Variants in UNC5A observed in about 807,000 individuals in gnomAD.
UNC5A encodes unc-5 netrin receptor A.
In UNC5A, 20 loss-of-function variants were observed where a neutral mutation model predicts 87.4. The observed-to-expected ratio is 0.23, with a 90% CI of 0.16 to 0.33. The LOEUF (loss-of-function observed/expected upper bound fraction) is 0.33, where lower values mean the gene tolerates loss of function less well. Among genes scored for constraint, UNC5A ranks in the 10% least tolerant of loss-of-function variants. The pLI, the probability that UNC5A is intolerant of heterozygous loss-of-function variation, is 1.00. For synonymous variants in UNC5A, 438 were observed against 482.3 expected, an observed-to-expected ratio of 0.91 and a Z score of 1.20; for missense variants, 844 against 1,133.4, an observed-to-expected ratio of 0.74 and a Z score of 3.67.
intron 6 of UNC5A, among the ~76,000 whole-genome samples, chr5:176,873,051 G>A (rs572503699): frequency 1.2e-5 from 1 of 85,156 alleles, no homozygotes; most frequent in Non-Finnish European, 2.3e-5. Context: ...CTTCCCATCT[G>A]CCCACACTCA....
intron 1 of UNC5A, among the ~76,000 whole-genome samples, chr5:176,845,377 G>T (rs551652516): frequency 6.6e-5 from 10 of 152,334 alleles, no homozygotes; most frequent in South Asian, 2.1e-4. Context: ...GATAGGTCCT[G>T]CCTCATATGC....
chr5:176,843,161 CAAAA>C (rs546212256), intron 1 of UNC5A, among the ~76,000 whole-genome samples: 4 of 90,230 alleles, frequency 4.4e-5, no homozygotes, highest in East Asian at 3.4e-4. Context: ...AACTCTGTCT[CAAAA>C]AAAAAAAAAA....
intron 1 of UNC5A, among the ~76,000 whole-genome samples, chr5:176,839,026 T>A (rs1457107691): frequency 6.6e-6 from 1 of 152,212 alleles, no homozygotes; most frequent in African/African-American, 2.4e-5. Context: ...TCAGCAGGTG[T>A]CCAGTCATGG....
chr5:176,877,878 T>C lies in UNC5A; in HGVS notation c.1636-16T>C, dbSNP rs1364270661. On this transcript the variant is annotated splice_polypyrimidine_tract_variant and intron_variant, in intron 10 of 14. Transcript: ENST00000329542. ...CTGAGGCTGGGCCGAATTGACCCACTGACCCCTGCCCACAGGATGTGCTGC... is the reference window on the plus strand; with the variant it reads ...CTGAGGCTGGGCCGAATTGACCCACCGACCCCTGCCCACAGGATGTGCTGC... 5.7e-6 allele frequency: 9 copies of C among 1,591,952 alleles called. No individual in the cohort carries two copies. The highest frequency in any genetic ancestry group is 7.7e-6 in the Non-Finnish European group (9 of 1,172,788).
chr5:176,830,331 G>A (rs1048777791), intron 1 of UNC5A, among the ~76,000 whole-genome samples: 49 of 152,196 alleles, frequency 3.2e-4, no homozygotes, highest in African/African-American at 1.1e-3. Flanking sequence ...CCTCCATGGG[G>A]CATGGGTGCG....
intron 6 of UNC5A, among the ~76,000 whole-genome samples, chr5:176,873,595 G>A (rs1758183133): frequency 1.3e-5 from 2 of 152,106 alleles, no homozygotes; most frequent in South Asian, 2.1e-4. Flanking sequence ...GGGATCCCAG[G>A]AGTTCACCCC....
At chr5:176,845,327 C>T (rs768634622) in intron 1 of UNC5A, among the ~76,000 whole-genome samples, 29 of 152,364 alleles carry the variant, frequency 1.9e-4, no homozygotes, top group South Asian at 4.1e-4. Context: ...TGTCCTGGCA[C>T]GGATCCAAAG....
rs1276855413 is a variant in UNC5A, at chr5:176,874,169, G to A, written c.1075+13G>A. 8.1e-6 allele frequency: 13 copies of A among 1,611,336 alleles called. No homozygotes were observed. The highest frequency in any genetic ancestry group is 1.6e-4 in the Middle Eastern group (1 of 6,070). On this transcript the variant is annotated intron_variant, in intron 7 of 14. Coordinates refer to ENST00000329542, the MANE Select transcript of UNC5A (RefSeq NM_133369.3). This position sits in a 1 kb window ranked among gnomAD's most constrained non-coding sequence, Gnocchi z 7.6. ...CCCAGCAAAGCAGGTGAGGGGCCCC[G>A]TGCCCCCAGCACTCCTGCCCCAGCT...
chr5:176,818,819 T>C (rs1756658084), intron 1 of UNC5A, among the ~76,000 whole-genome samples: 3 of 152,170 alleles, frequency 2.0e-5, no homozygotes, highest in Admixed American at 2.0e-4. Context: ...CCCATCCCCA[T>C]GCTGCCTCCT....
intron 1 of UNC5A, among the ~76,000 whole-genome samples, chr5:176,857,833 A>C (rs1292708935): frequency 6.6e-6 from 1 of 152,198 alleles, no homozygotes; most frequent in East Asian, 1.9e-4. Flanking sequence ...GAGGTCTTCT[A>C]ACTTAATTCC....
Position 176,857,401 on chromosome 5 carries a change from G to T in UNC5A, c.71-5223G>T, listed in dbSNP as rs569406844. Among the ~76,000 whole-genome samples, 11 of 152,266 alleles carry T rather than the reference G, an allele frequency of 7.2e-5. No homozygotes were observed. In the South Asian group the frequency reaches 2.3e-3, roughly 32 times the overall value. On this transcript the variant is annotated intron_variant, in intron 1 of 14. Transcript: ENST00000329542. ...TCAGTCCAAGGCTCCTTGCCCAGGG[G>T]TCTCTTGCCTCCCATTGCCACCGGC...
At position 176,857,535 on chromosome 5, in the gene UNC5A, G is replaced by GCA. The variant is rs746701838; in HGVS notation, c.71-5077_71-5076dup. Among the ~76,000 whole-genome samples the GCA allele has an allele frequency of 4.7e-3, 714 of 151,720 alleles. 7 individuals are homozygous for GCA. The highest frequency in any genetic ancestry group is 0.015 in the African/African-American group (627 of 41,380). The stretch of plus-strand genomic sequence containing the variant: ...ACACATGCATGCCACACACACATGC[G>GCA]CACACACACACACGCCTTGCCCCTC... On this transcript the variant is annotated intron_variant, in intron 1 of 14. Transcript: ENST00000329542.
intron 9 of UNC5A, 28 bp downstream of exon 9, chr5:176,877,307 G>T: frequency 6.3e-7 from 1 of 1,594,060 alleles, no homozygotes; most frequent in East Asian, 2.2e-5. Context: ...GTTGCCGGGG[G>T]TGGGAGGGAC....
At chr5:176,860,664 G>T (rs1205792875) in intron 1 of UNC5A, among the ~76,000 whole-genome samples, 1 of 152,300 alleles carries the variant, frequency 6.6e-6, no homozygotes, top group African/African-American at 2.4e-5. Flanking sequence ...CCCCAGCGTC[G>T]CCTGCATTCC....
In UNC5A at chr5:176,810,861, A is replaced by T; in HGVS notation, c.70+41A>T. 1 of 1,213,906 alleles carries T rather than the reference A, an allele frequency of 8.2e-7. No individual in the cohort carries two copies. The highest frequency in any genetic ancestry group is 1.0e-6 in the Non-Finnish European group (1 of 976,294). The allele number at this position is 1,213,906 out of a possible 1,614,324, so 75.2% of individuals were successfully genotyped here. ...CGCGCTCTGGGGAGGCTTGCGGGGG[A>T]CCGTGCGCGCGAACGCTCGCTGCTC... On this transcript the variant is annotated intron_variant, in intron 1 of 14. Transcript: ENST00000329542. The surrounding 1 kb of genome is among the most constrained non-coding windows in gnomAD (Gnocchi z 7.3).
At chr5:176,820,079 G>A (rs1056332890) in intron 1 of UNC5A, among the ~76,000 whole-genome samples, 11 of 152,068 alleles carry the variant, frequency 7.2e-5, no homozygotes, top group Admixed American at 2.0e-4. Context: ...TGGCTAACAC[G>A]GTGAAACCTC....
chr5:176,831,883 C>CTTTTTTTTTTTTTT (rs1285414321), intron 1 of UNC5A, among the ~76,000 whole-genome samples: 3 of 115,312 alleles, frequency 2.6e-5, no homozygotes, highest in African/African-American at 7.3e-5. Flanking sequence ...CTTTCTCTCT[C>CTTTTTTTTTTTTTT]TCTTTTTTTT....
intron 13 of UNC5A, 67 bp downstream of exon 13, chr5:176,878,706 A>C: frequency 3.9e-6 from 6 of 1,546,588 alleles, no homozygotes; most frequent in Non-Finnish European, 4.4e-6. Context: ...CAGCCCCCAA[A>C]ACGCTCCTGC....
chr5:176,877,658 C>T lies in UNC5A; in HGVS notation c.1590C>T (p.Ser530=), dbSNP rs764148327. The T allele has an allele frequency of 6.2e-7, 1 of 1,611,078 alleles. No homozygotes were observed. The highest frequency in any genetic ancestry group is 8.5e-7 in the Non-Finnish European group (1 of 1,178,586). ...MDHCGEPSPD[S]WSLRLKKQSC... ...ACTGTGGGGAGCCCAGCCCTGACAGCTGGAGCCTGCGCCTCAAAAAGCAGT... is the reference window on the plus strand; with the variant it reads ...ACTGTGGGGAGCCCAGCCCTGACAGTTGGAGCCTGCGCCTCAAAAAGCAGT... The change falls in exon 10 of 15, where the codon AGC becomes AGT. Residue 530 remains serine (S), a synonymous_variant. Transcript: ENST00000329542.
Sources: gnomAD v4.1 joint callset for allele counts (sites outside exome capture counted in the v4.1 genomes callset) on GRCh38, gnomAD v4.1.1 for gene constraint, Gnocchi (gnomAD v3.1) non-coding constraint, MANE v1.5 for transcripts, NCBI Gene and HGNC (gene_info 2026-07-23, HGNC 2026-07-21) for gene names.